The following THOC1 variants were observed in gnomAD, a reference collection of about 807,000 sequenced individuals.
THOC1 encodes the protein THO complex subunit 1, also known as THO complex 1.
Under a neutral mutation model 97.3 loss-of-function variants are expected in THOC1, and 29 were observed. The ratio of observed to expected loss-of-function variants is 0.30; its 90% CI spans 0.22 to 0.41. The LOEUF is 0.41. THOC1 is among the 10% of genes least tolerant of loss of function. THOC1 has a pLI of 1.00. For missense variants in THOC1, 529 were observed against 761.9 expected, an observed-to-expected ratio of 0.69 and a Z score of 3.60; for synonymous variants, 255 against 257.0, an observed-to-expected ratio of 0.99 and a Z score of 0.07.
Position 254,463 on chromosome 18 carries a change from G to C in THOC1, c.521-108C>G. 4 of 687,656 alleles carry C rather than the reference G, an allele frequency of 5.8e-6. No homozygotes were observed. The highest frequency in any genetic ancestry group is 1.0e-5 in the Non-Finnish European group (4 of 399,394). The allele number at this position is 687,656 out of a possible 1,614,324, so 42.6% of individuals were successfully genotyped here. ...CAAAATGCCAAATCCATAAAGAGCA[G>C]TCAAAATTAACACATTTGATTTTCA... On this transcript the variant is annotated intron_variant, in intron 7 of 20. Transcript: ENST00000261600. The surrounding 1 kb of genome is among the most constrained non-coding windows in gnomAD (Gnocchi z 4.1).
intron 9 of THOC1, among the ~76,000 whole-genome samples, chr18:250,153 G>A (rs1912234834): frequency 6.6e-6 from 1 of 152,184 alleles, no homozygotes; most frequent in African/African-American, 2.4e-5. Flanking sequence ...AAATTTTGAA[G>A]TAGTGTTAAT....
At chr18:222,376 G>T (rs901741015) in intron 17 of THOC1, among the ~76,000 whole-genome samples, 2 of 152,118 alleles carry the variant, frequency 1.3e-5, no homozygotes, top group African/African-American at 4.8e-5. Flanking sequence ...TTTTACTGGG[G>T]ACTGTTGATA....
chr18:255,588 C>T (rs1412922339), intron 7 of THOC1, among the ~76,000 whole-genome samples: 2 of 152,218 alleles, frequency 1.3e-5, no homozygotes, highest in African/African-American at 4.8e-5. Context: ...CTCTCCGTAA[C>T]ATAATAGTGC....
In THOC1 at chr18:236,417, G is replaced by A. The variant is rs377487307; in HGVS notation, c.919-9516C>T. ...GTCGCCCAGGCGGGAGTGCAGTGGC[G>A]CGATCTCGGCTCACTGCAAGCTCCG... On this transcript the variant is annotated intron_variant, in intron 11 of 20. Coordinates refer to ENST00000261600, the MANE Select transcript of THOC1 (RefSeq NM_005131.3). Among the ~76,000 whole-genome samples the A allele has an allele frequency of 2.8e-5, 4 of 143,938 alleles. No individual in the cohort carries two copies. The East Asian group carries it at 6.1e-4, about 22-fold the overall frequency. The allele number at this position is 143,938 out of a possible 152,430, so 94.4% of individuals were successfully genotyped here.
chr18:246,530 C>G, intron 10 of THOC1, 75 bp from the exon 11 acceptor site: 1 of 1,250,834 alleles, frequency 8.0e-7, no homozygotes, highest in East Asian at 2.3e-5. Flanking sequence ...ATCAAAATGC[C>G]TAGAATTTAC....
intron 9 of THOC1, among the ~76,000 whole-genome samples, chr18:251,525 C>T (rs921953083): frequency 6.6e-6 from 1 of 151,980 alleles, no homozygotes; most frequent in African/African-American, 2.4e-5. Flanking sequence ...CTTCAAATAA[C>T]GATGTTTCCT....
At position 267,967 on chromosome 18, in the gene THOC1, G is replaced by T; in HGVS notation, c.53C>A (p.Thr18Lys). Residue 18 changes from threonine (T) to lysine (K), a missense_variant and splice_region_variant, in exon 1 of 21, where the codon ACG becomes AAG. Transcript: ENST00000261600. ...TGCACCCTCCCCTCTACAGCTCACC[G>T]TAAACCGCGTCCGCGCTTCGGGCAA... ...FSLPEARTRF[T>K]KSTREALNNK... is the part of the protein sequence containing the mutation. The T allele has an allele frequency of 6.2e-7, 1 of 1,611,708 alleles. No homozygotes were observed. The highest frequency in any genetic ancestry group is 8.5e-7 in the Non-Finnish European group (1 of 1,179,080).
chr18:266,664 A>G (rs925418450), intron 1 of THOC1, among the ~76,000 whole-genome samples: 4 of 151,680 alleles, frequency 2.6e-5, no homozygotes, highest in African/African-American at 9.7e-5. Flanking sequence ...CAGCCTCCCA[A>G]GTAGATGGGA....
At chr18:221,841 C>G (rs946075276) in intron 17 of THOC1, among the ~76,000 whole-genome samples, 6 of 152,146 alleles carry the variant, frequency 3.9e-5, no homozygotes, top group African/African-American at 1.2e-4. Context: ...ATCTCCTGAC[C>G]TCATGATCCG....
chr18:221,648 G>A (rs553795117), intron 17 of THOC1, among the ~76,000 whole-genome samples: 16 of 114,128 alleles, frequency 1.4e-4, no homozygotes, highest in South Asian at 8.8e-4. Flanking sequence ...TCGCTCTGTC[G>A]CCCAGGCTGG....
chr18:215,323 A>C (rs1910838600), intron 20 of THOC1, 106 bp downstream of exon 20: 1 of 828,634 alleles, frequency 1.2e-6, no homozygotes, highest in Admixed American at 2.5e-5. Context: ...AGTTGAGATA[A>C]AATGGGAGAA....
At position 226,919 on chromosome 18, in the gene THOC1, AAACACATACGAAAAC is replaced by A. The variant is rs745900904; in HGVS notation, c.919-33_919-19del. 1.9e-6 allele frequency: 3 copies of A among 1,579,066 alleles called. No individual in the cohort carries two copies. The highest frequency in any genetic ancestry group is 1.8e-5 in the Admixed American group (1 of 56,696). On this transcript the variant is annotated intron_variant, in intron 11 of 20. Coordinates refer to ENST00000261600, the MANE Select transcript of THOC1 (RefSeq NM_005131.3). ...TCCATCAGCTACTCAAGAAACAAGC[AAACACATACGAAAAC>A]AACACATTAAAATCAAGTTTTTCCT...
At chr18:241,949 T>C (rs1911917248) in intron 11 of THOC1, among the ~76,000 whole-genome samples, 1 of 152,186 alleles carries the variant, frequency 6.6e-6, no homozygotes, top group South Asian at 2.1e-4. Context: ...CAGCACTACA[T>C]TTAGCAAGTA....
Position 224,067 on chromosome 18 carries a change from A to G in THOC1, c.1304+17T>C. ...AAAATAACTAAGAACATCCCACATG[A>G]AGACAAATTCACCTACTTTCCCATC... is the stretch of plus-strand genomic sequence containing the variant. On this transcript the variant is annotated intron_variant, in intron 16 of 20. Coordinates refer to ENST00000261600, the MANE Select transcript of THOC1 (RefSeq NM_005131.3). 1 of 1,520,184 alleles carries G rather than the reference A, an allele frequency of 6.6e-7. No individual in the cohort carries two copies. The highest frequency in any genetic ancestry group is 2.3e-5 in the East Asian group (1 of 43,924). The allele number at this position is 1,520,184 out of a possible 1,614,324, so 94.2% of individuals were successfully genotyped here.
rs569550387 is a variant in THOC1 at position 223,159 on chromosome 18, A to C, written c.1370+281T>G. ...AGTTCCCTGGTTCTCAAAGCTGGCA[A>C]TCATTAGTACTGCTGCCCTAGAACC... On this transcript the variant is annotated intron_variant, in intron 17 of 20. Transcript: ENST00000261600. 2.0e-5 allele frequency among the ~76,000 whole-genome samples: 3 copies of C among 152,296 alleles called. No homozygotes were observed. In the East Asian group the frequency reaches 5.8e-4, roughly 29 times the overall value.
chr18:262,628 A>C (rs1912638794), intron 4 of THOC1, among the ~76,000 whole-genome samples: 2 of 152,196 alleles, frequency 1.3e-5, no homozygotes, highest in Non-Finnish European at 2.9e-5. Context: ...CTGAAACTAG[A>C]CAAGGAATAT....
chr18:220,298 T>C (rs1462273406), intron 17 of THOC1, among the ~76,000 whole-genome samples: 3 of 152,192 alleles, frequency 2.0e-5, no homozygotes, highest in Non-Finnish European at 2.9e-5. Flanking sequence ...AGTACACACA[T>C]ATATGCAAGT....
intron 11 of THOC1, among the ~76,000 whole-genome samples, chr18:240,972 G>T (rs1911877901): frequency 6.6e-6 from 1 of 151,976 alleles, no homozygotes; most frequent in Non-Finnish European, 1.5e-5. Flanking sequence ...TTTACAATAG[G>T]GTTCATGTTC....
chr18:246,350 A>AATGT lies in THOC1; in HGVS notation c.891_892insACAT (p.Phe298ThrfsTer9). On this transcript the variant is annotated frameshift_variant, in exon 11 of 21. Transcript: ENST00000261600. LOFTEE classifies it high-confidence loss of function. ...TTTTCACTTGTTAAAAATTTTGCAA[A>AATGT]ATATACATGTTCTCCTCCTGTTTTC... The AATGT allele has an allele frequency of 6.3e-7, 1 of 1,590,846 alleles. No homozygotes were observed. Among genetic ancestry groups the AATGT allele is most frequent in the Non-Finnish European group, 8.6e-7 (1 of 1,164,520 alleles).
Sources: allele counts gnomAD v4.1 joint callset (sites outside exome capture counted in the v4.1 genomes callset), GRCh38; gene constraint gnomAD v4.1.1; non-coding constraint Gnocchi (gnomAD v3.1); transcripts MANE v1.5; gene names NCBI Gene and HGNC (gene_info 2026-07-23, HGNC 2026-07-21).